CHLSN: variants seen among roughly 807,000 people sequenced by gnomAD.
The protein encoded by CHLSN is protein cholesin.
the CHLSN span, chr7:987,000 G>A: frequency 2.1e-6 from 3 of 1,398,614 alleles, no homozygotes; most frequent in Non-Finnish European, 2.8e-6. Context: ...GGATGGCTGA[G>A]CCCAGATCAC....
At chr7:1,095,148 A>G in the CHLSN span, among the ~76,000 whole-genome samples, 1 of 151,872 alleles carries the variant, frequency 6.6e-6, no homozygotes, top group Non-Finnish European at 1.5e-5. Context: ...CCCCAGCTAA[A>G]AGGACATGGC....
chr7:989,182 T>C, the CHLSN span: 1 of 280,240 alleles, frequency 3.6e-6, no homozygotes, highest in Non-Finnish European at 6.7e-6. Context: ...AACGGGTGGC[T>C]GCATCCAGCC....
At chr7:1,073,609 G>A in the CHLSN span, among the ~76,000 whole-genome samples, 2 of 152,064 alleles carry the variant, frequency 1.3e-5, no homozygotes, top group African/African-American at 2.4e-5. Context: ...AGCGAAGAAA[G>A]TCCTTGAAAG....
At chr7:1,000,569 A>G in the CHLSN span, 1 of 1,591,922 alleles carries the variant, frequency 6.3e-7, no homozygotes. Context: ...AAGAAAGACA[A>G]ACATCTCAGG....
the CHLSN span, among the ~76,000 whole-genome samples, chr7:1,136,549 T>C: frequency 1.7e-5 from 2 of 114,834 alleles, no homozygotes; most frequent in Non-Finnish European, 3.3e-5. Flanking sequence ...TGAACATATA[T>C]AAACATATAT....
chr7:1,003,704 G>A, the CHLSN span, among the ~76,000 whole-genome samples: 8 of 88,284 alleles, frequency 9.1e-5, no homozygotes, highest in African/African-American at 4.0e-4. Context: ...GTGGGTGAGT[G>A]GAGTCCTGCG....
At chr7:1,136,940 G>A in the CHLSN span, among the ~76,000 whole-genome samples, 1 of 152,038 alleles carries the variant, frequency 6.6e-6, no homozygotes, top group East Asian at 1.9e-4. Context: ...CACCCAGAAT[G>A]TGACTCCCTT....
chr7:1,082,997 G>A, the CHLSN span, among the ~76,000 whole-genome samples: 1 of 152,244 alleles, frequency 6.6e-6, no homozygotes, highest in Non-Finnish European at 1.5e-5. Context: ...CCGAGGTGGG[G>A]CTGGGACAAT....
the CHLSN span, among the ~76,000 whole-genome samples, chr7:1,101,339 C>T: frequency 6.6e-6 from 1 of 151,766 alleles, no homozygotes; most frequent in Non-Finnish European, 1.5e-5. Context: ...CTGGGGTGGA[C>T]TCCACCTGAA....
chr7:1,087,177 G>T, the CHLSN span: 1 of 152,280 alleles, frequency 6.6e-6, no homozygotes, highest in Non-Finnish European at 1.5e-5. Flanking sequence ...ACGAGACTGT[G>T]AAATCCGCAA....
At chr7:1,021,251 T>G in the CHLSN span, 8 of 442,584 alleles carry the variant, frequency 1.8e-5, no homozygotes, top group Non-Finnish European at 2.4e-5. Context: ...ACCTCCAGGC[T>G]GAGGATCTCC....
At chr7:1,057,755 C>T in the CHLSN span, 1 of 775,832 alleles carries the variant, frequency 1.3e-6, no homozygotes, top group South Asian at 1.3e-5. Flanking sequence ...GCGCCCTGGC[C>T]CCTGTGCACC....
chr7:1,118,678 T>A, the CHLSN span, among the ~76,000 whole-genome samples: 9 of 151,794 alleles, frequency 5.9e-5, no homozygotes, highest in Non-Finnish European at 1.2e-4. Flanking sequence ...GAGTTTCTTA[T>A]GGCCGGGAAA....
chr7:1,000,600 G>A, the CHLSN span: 53 of 1,484,704 alleles, frequency 3.6e-5, no homozygotes, highest in Admixed American at 1.1e-4. Context: ...AAAGACTCCC[G>A]GGCAGCTGTC....
chr7:996,078 C>T, the CHLSN span, among the ~76,000 whole-genome samples: 1 of 152,208 alleles, frequency 6.6e-6, no homozygotes, highest in East Asian at 1.9e-4. Context: ...CTTCAGGGAG[C>T]TAAGGAGGAA....
chr7:1,083,656 A>C, the CHLSN span, among the ~76,000 whole-genome samples: 54 of 151,790 alleles, frequency 3.6e-4, no homozygotes, highest in Middle Eastern at 6.8e-3. Flanking sequence ...ACAAAAAAAA[A>C]CACGAGAGTG....
the CHLSN span, among the ~76,000 whole-genome samples, chr7:1,078,459 C>T: frequency 1.3e-5 from 2 of 152,162 alleles, no homozygotes; most frequent in Non-Finnish European, 2.9e-5. Context: ...TTAAATCTTC[C>T]ACAGCAAGCA....
At chr7:1,027,862 C>T in the CHLSN span, among the ~76,000 whole-genome samples, 1 of 152,238 alleles carries the variant, frequency 6.6e-6, no homozygotes, top group Non-Finnish European at 1.5e-5. Context: ...CTCGTGTCTC[C>T]CCCGGGGGCT....
chr7:1,050,283 A>G, the CHLSN span, among the ~76,000 whole-genome samples: 2 of 152,224 alleles, frequency 1.3e-5, no homozygotes, highest in Non-Finnish European at 2.9e-5. Context: ...GGAGCTGCAC[A>G]CACTCAGGTT....
Sources: allele counts gnomAD v4.1 joint callset (sites outside exome capture counted in the v4.1 genomes callset), GRCh38; gene constraint gnomAD v4.1.1; transcripts MANE v1.5; gene names NCBI Gene and HGNC (gene_info 2026-07-23, HGNC 2026-07-21).